Variants in ANKS1B observed in about 807,000 individuals in gnomAD.
The protein encoded by ANKS1B is ankyrin repeat and sterile alpha motif domain containing 1B.
Under a neutral mutation model 148.3 loss-of-function variants are expected in ANKS1B, and 36 were observed. The ratio of observed to expected loss-of-function variants is 0.24; its 90% CI spans 0.19 to 0.32. The LOEUF (loss-of-function observed/expected upper bound fraction) is 0.32. Ranked by LOEUF, ANKS1B falls within the 10% of genes least tolerant of loss-of-function variation. The pLI, the probability that ANKS1B is intolerant of heterozygous loss-of-function variation, is 1.00. For missense variants in ANKS1B, 1,157 were observed against 1,542.6 expected (o/e 0.75, Z 4.19); for synonymous variants, 542 against 560.8 (o/e 0.97, Z 0.47).
At chr12:99,791,350 T>G (rs1480129042) in intron 4 of ANKS1B, among the ~76,000 whole-genome samples, 1 of 151,974 alleles carries the variant, frequency 6.6e-6, no homozygotes, top group Admixed American at 6.6e-5. Context: ...CTCCCCACTT[T>G]CAGCATTGGA....
chr12:99,123,001 T>A (rs1008298772), intron 15 of ANKS1B, among the ~76,000 whole-genome samples: 49 of 145,892 alleles, frequency 3.4e-4, no homozygotes, highest in Non-Finnish European at 1.8e-4. Context: ...AAAAAAAATA[T>A]ATATATATAT....
intron 1 of ANKS1B, among the ~76,000 whole-genome samples, chr12:99,833,652 T>C (rs2084374603): frequency 6.6e-6 from 1 of 152,210 alleles, no homozygotes; most frequent in African/African-American, 2.4e-5. Flanking sequence ...CTAGGTTGCT[T>C]GGAGTACCTC....
rs373527446 is a variant in ANKS1B at position 98,923,493 on chromosome 12, T to C, written c.2779-91357A>G. On this transcript the variant is annotated intron_variant, in intron 17 of 26. Coordinates refer to ENST00000683438, the MANE Select transcript of ANKS1B (RefSeq NM_001352186.2). ...TTTGCCTGCTATAAAATAATTTTAG[T>C]TGATGAACCCGAAGTTCCCTGAAGG... Among the ~76,000 whole-genome samples, 155 of 152,352 alleles carry C rather than the reference T, an allele frequency of 1.0e-3. 1 individual carries two copies. The South Asian group carries it at 0.024, about 23-fold the overall frequency.
chr12:99,683,416 T>C (rs192873863), intron 8 of ANKS1B, among the ~76,000 whole-genome samples: 4 of 152,096 alleles, frequency 2.6e-5, no homozygotes, highest in Admixed American at 2.0e-4. Flanking sequence ...ACAACCATCC[T>C]AGATTAAACC....
chr12:99,293,420 A>C (rs993306650), intron 12 of ANKS1B, among the ~76,000 whole-genome samples: 1 of 152,202 alleles, frequency 6.6e-6, no homozygotes, highest in Non-Finnish European at 1.5e-5. Flanking sequence ...TGATGGGTGC[A>C]GCAAACCAGC....
intron 8 of ANKS1B, among the ~76,000 whole-genome samples, chr12:99,761,509 A>G (rs2062113168): frequency 6.6e-6 from 1 of 152,102 alleles, no homozygotes; most frequent in Non-Finnish European, 1.5e-5. Flanking sequence ...CCTTCATGAT[A>G]AAAACCTTCA....
At chr12:99,879,803 T>C (rs1477016697) in intron 1 of ANKS1B, among the ~76,000 whole-genome samples, 2 of 152,226 alleles carry the variant, frequency 1.3e-5, no homozygotes, top group Non-Finnish European at 2.9e-5. Flanking sequence ...TCTGCCATTT[T>C]GAAACAGGTA....
intron 15 of ANKS1B, among the ~76,000 whole-genome samples, chr12:99,100,488 A>T (rs1333370559): frequency 3.3e-5 from 5 of 152,138 alleles, no homozygotes; most frequent in Non-Finnish European, 7.4e-5. Flanking sequence ...TCACTGGGGG[A>T]GGGGTAAGGT....
intron 16 of ANKS1B, among the ~76,000 whole-genome samples, chr12:99,063,091 C>T (rs2042978879): frequency 6.6e-6 from 1 of 152,150 alleles, no homozygotes; most frequent in Non-Finnish European, 1.5e-5. Flanking sequence ...CTATCATTTA[C>T]ATAGACCCAC....
intron 9 of ANKS1B, among the ~76,000 whole-genome samples, chr12:99,575,835 C>G (rs913285652): frequency 2.0e-5 from 3 of 152,002 alleles, no homozygotes; most frequent in Admixed American, 6.6e-5. Flanking sequence ...TATAAAGCAA[C>G]TATATAATAA....
intron 9 of ANKS1B, among the ~76,000 whole-genome samples, chr12:99,615,952 CA>C (rs973269418): frequency 1.7e-4 from 26 of 152,188 alleles, no homozygotes; most frequent in African/African-American, 5.8e-4. Context: ...TCTCAGGGTA[CA>C]AAATCAATGT....
At chr12:98,883,027 C>T (rs2099716732) in intron 17 of ANKS1B, among the ~76,000 whole-genome samples, 1 of 152,102 alleles carries the variant, frequency 6.6e-6, no homozygotes, top group African/African-American at 2.4e-5. Flanking sequence ...CTTTCACAGA[C>T]AAAGGAATTT....
chr12:99,430,367 A>G (rs2095348745), intron 11 of ANKS1B, among the ~76,000 whole-genome samples: 1 of 152,172 alleles, frequency 6.6e-6, no homozygotes, highest in Non-Finnish European at 1.5e-5. Flanking sequence ...GTAGAGGAGG[A>G]GTCTAGGTGG....
intron 12 of ANKS1B, among the ~76,000 whole-genome samples, chr12:99,348,113 A>G (rs1204345382): frequency 6.6e-6 from 1 of 152,004 alleles, no homozygotes; most frequent in African/African-American, 2.4e-5. Context: ...AATAGAAAAC[A>G]TATAGATAAA....
intron 17 of ANKS1B, among the ~76,000 whole-genome samples, chr12:98,917,796 G>A (rs2152886671): frequency 6.6e-6 from 1 of 152,270 alleles, no homozygotes; most frequent in Non-Finnish European, 1.5e-5. Flanking sequence ...AGGAAGGGAG[G>A]CTAAGAACGA....
At chr12:99,831,242 AAACC>A (rs1231558387) in intron 1 of ANKS1B, among the ~76,000 whole-genome samples, 14 of 151,964 alleles carry the variant, frequency 9.2e-5, no homozygotes, top group African/African-American at 3.1e-4. Context: ...AAAAAAAAAA[AAACC>A]AAACCCATAC....
intron 1 of ANKS1B, among the ~76,000 whole-genome samples, chr12:99,867,631 C>A (rs1170214048): frequency 6.6e-6 from 1 of 152,126 alleles, no homozygotes; most frequent in Non-Finnish European, 1.5e-5. Flanking sequence ...GGGAAACCAC[C>A]CCCATGATTA....
At chr12:98,888,748 C>A (rs528843056) in intron 17 of ANKS1B, among the ~76,000 whole-genome samples, 1 of 152,240 alleles carries the variant, frequency 6.6e-6, no homozygotes, top group South Asian at 2.1e-4. Flanking sequence ...TCAGGGATAC[C>A]CCCAAATTTT....
intron 14 of ANKS1B, among the ~76,000 whole-genome samples, chr12:99,203,269 T>C (rs1436401539): frequency 2.0e-5 from 3 of 152,124 alleles, no homozygotes; most frequent in African/African-American, 2.4e-5. Flanking sequence ...GTTGCATGGT[T>C]CCAACAACAC....
Sources: gnomAD v4.1 joint callset for allele counts (sites outside exome capture counted in the v4.1 genomes callset) on GRCh38, gnomAD v4.1.1 for gene constraint, MANE v1.5 for transcripts, NCBI Gene and HGNC (gene_info 2026-07-23, HGNC 2026-07-21) for gene names.